Variants in SLC13A3 observed in about 807,000 individuals in gnomAD.
The protein encoded by SLC13A3 is solute carrier family 13 member 3.
Under a neutral mutation model 59.0 loss-of-function variants are expected in SLC13A3, and 40 were observed. That is an observed-to-expected ratio of 0.68 (90% CI 0.53 to 0.88). The LOEUF is 0.88. Ranked by LOEUF, SLC13A3 falls within the 40% of genes least tolerant of loss-of-function variation. SLC13A3 has a pLI of 0.00. For missense variants in SLC13A3, 699 were observed against 783.2 expected, an observed-to-expected ratio of 0.89 and a Z score of 1.28; for synonymous variants, 317 against 330.3, an observed-to-expected ratio of 0.96 and a Z score of 0.44.
At chr20:46,614,285 A>T (rs1291271974) in intron 1 of SLC13A3, among the ~76,000 whole-genome samples, 1 of 152,210 alleles carries the variant, frequency 6.6e-6, no homozygotes, top group Non-Finnish European at 1.5e-5. Flanking sequence ...GACAGGGCAT[A>T]TCATGCCTTA....
intron 9 of SLC13A3, among the ~76,000 whole-genome samples, chr20:46,580,690 G>C (rs1485211967): frequency 6.6e-6 from 1 of 152,016 alleles, no homozygotes; most frequent in Non-Finnish European, 1.5e-5. Context: ...AAAATTAGTA[G>C]CAGAGCTGAG....
At chr20:46,622,624 G>A (rs1199793217) in intron 1 of SLC13A3, among the ~76,000 whole-genome samples, 1 of 8,872 alleles carries the variant, frequency 1.1e-4, no homozygotes, top group Non-Finnish European at 2.6e-4. Flanking sequence ...GTGTGTGCGT[G>A]TGTGTGTGTG....
At chr20:46,590,733 AT>A (rs1376755347) in intron 6 of SLC13A3, among the ~76,000 whole-genome samples, 3 of 152,224 alleles carry the variant, frequency 2.0e-5, no homozygotes, top group Non-Finnish European at 4.4e-5. Flanking sequence ...ATGAAGAATG[AT>A]TTGATAATAT....
At chr20:46,594,638 GC>G (rs1486366587) in intron 5 of SLC13A3, among the ~76,000 whole-genome samples, 1 of 152,132 alleles carries the variant, frequency 6.6e-6, no homozygotes, top group Non-Finnish European at 1.5e-5. Context: ...AGAAGGCACA[GC>G]CAGCCTTGTT....
intron 1 of SLC13A3, among the ~76,000 whole-genome samples, chr20:46,620,685 T>A (rs1359959642): frequency 6.6e-6 from 1 of 151,788 alleles, no homozygotes; most frequent in East Asian, 1.9e-4. Context: ...GAAAAAAAAA[T>A]TCATCTTGTT....
intron 4 of SLC13A3, 52 bp from the exon 5 acceptor site, chr20:46,596,394 C>T (rs1818883337): frequency 6.5e-7 from 1 of 1,547,648 alleles, no homozygotes; most frequent in African/African-American, 1.4e-5. Flanking sequence ...GAACAGGCCA[C>T]AGACTGCCTG....
rs1274857671 is a variant in SLC13A3, at chr20:46,649,225, T to C, written c.111+2086A>G. On this transcript the variant is annotated intron_variant, in intron 1 of 12. Transcript: ENST00000279027. ...GCACCATCATAAGGGATTAGTTACA[T>C]CCCAGGGGCTCTCCCTGTTATCTCT... Among the ~76,000 whole-genome samples the C allele has an allele frequency of 2.6e-5, 4 of 152,124 alleles. No individual in the cohort carries two copies. The East Asian group carries it at 7.7e-4, about 29-fold the overall frequency.
At position 46,558,010 on chromosome 20, in the gene SLC13A3, C is replaced by A. The variant is rs2061899429; in HGVS notation, c.*2012G>T. The A allele has an allele frequency of 6.6e-6, 1 of 151,928 alleles. No individual in the cohort carries two copies. Among genetic ancestry groups the A allele is most frequent in the Non-Finnish European group, 1.5e-5 (1 of 67,996 alleles). 9.4% of individuals were successfully genotyped at this position (151,928 alleles called of 1,614,324 possible). ...ATTGTTCTAGGAACTGGAGTTACAGCAGTAAAAAAAATAACATTTGTATTT... is the reference window on the plus strand; with the variant it reads ...ATTGTTCTAGGAACTGGAGTTACAGAAGTAAAAAAAATAACATTTGTATTT... On this transcript the variant is annotated 3_prime_UTR_variant, in exon 13 of 13. Transcript: ENST00000279027.
chr20:46,684,263 C>T (rs2063169080), intron 1 of SLC13A3: 1 of 152,320 alleles, frequency 6.6e-6, no homozygotes, highest in East Asian at 1.9e-4. Flanking sequence ...GGAAAGTAAG[C>T]TTCATGTTCC....
chr20:46,566,418 C>G (rs1222118406), intron 10 of SLC13A3, 28 bp from the exon 11 acceptor site: 3 of 1,598,098 alleles, frequency 1.9e-6, no homozygotes, highest in Non-Finnish European at 2.6e-6. Context: ...TTCCTTCATA[C>G]CCCAGCCCAT....
chr20:46,668,769 C>G (rs73313071), intron 1 of SLC13A3, among the ~76,000 whole-genome samples: 2 of 152,216 alleles, frequency 1.3e-5, no homozygotes, highest in African/African-American at 4.8e-5. Context: ...TGAAGTTCTG[C>G]TCATTTGCCA....
intron 1 of SLC13A3, among the ~76,000 whole-genome samples, chr20:46,666,285 G>A (rs1262786263): frequency 1.3e-5 from 2 of 152,228 alleles, no homozygotes; most frequent in Non-Finnish European, 2.9e-5. Context: ...TCAGTTGGGT[G>A]TCAGTATCCC....
chr20:46,569,061 G>A (rs1044169450), intron 10 of SLC13A3, among the ~76,000 whole-genome samples: 2 of 152,172 alleles, frequency 1.3e-5, no homozygotes, highest in Non-Finnish European at 2.9e-5. Context: ...ATAGCTCACT[G>A]CAGCCTCTAT....
intron 8 of SLC13A3, among the ~76,000 whole-genome samples, chr20:46,587,322 A>G (rs1302588236): frequency 6.6e-6 from 1 of 152,190 alleles, no homozygotes; most frequent in African/African-American, 2.4e-5. Flanking sequence ...AGAGAGGTTG[A>G]GTACCTTACA....
intron 5 of SLC13A3, among the ~76,000 whole-genome samples, chr20:46,594,236 T>C (rs920219918): frequency 6.7e-6 from 1 of 149,376 alleles, no homozygotes; most frequent in Non-Finnish European, 1.5e-5. Flanking sequence ...TTATGTATTA[T>C]ATGTTAATAT....
At chr20:46,636,736 G>A (rs773976975) in intron 1 of SLC13A3, among the ~76,000 whole-genome samples, 3 of 152,110 alleles carry the variant, frequency 2.0e-5, no homozygotes, top group Non-Finnish European at 2.9e-5. Flanking sequence ...TGGATCATCC[G>A]AGCCCACATT....
upstream of SLC13A3, among the ~76,000 whole-genome samples, chr20:46,653,385 C>T (rs2062965393): frequency 6.6e-6 from 1 of 152,186 alleles, no homozygotes; most frequent in South Asian, 2.1e-4. Flanking sequence ...GAAGAGAATA[C>T]AGTCATGGGT....
At chr20:46,593,573 A>G (rs963929189) in intron 5 of SLC13A3, among the ~76,000 whole-genome samples, 1 of 152,192 alleles carries the variant, frequency 6.6e-6, no homozygotes, top group Non-Finnish European at 1.5e-5. Flanking sequence ...ATGAATAAGT[A>G]TACCTCTATA....
chr20:46,659,011 C>A (rs1031168391), intron 1 of SLC13A3, among the ~76,000 whole-genome samples: 21 of 152,126 alleles, frequency 1.4e-4, no homozygotes, highest in Admixed American at 1.1e-3. Flanking sequence ...TATTGTATAT[C>A]TTTTCCACTT....
Sources: allele counts gnomAD v4.1 joint callset (sites outside exome capture counted in the v4.1 genomes callset), GRCh38; gene constraint gnomAD v4.1.1; transcripts MANE v1.5; gene names NCBI Gene and HGNC (gene_info 2026-07-23, HGNC 2026-07-21).